The following SMPDL3A variants were observed in gnomAD, a reference collection of about 807,000 sequenced individuals.
The protein encoded by SMPDL3A is cyclic GMP-AMP phosphodiesterase SMPDL3A.
Under a neutral mutation model 38.5 loss-of-function variants are expected in SMPDL3A, and 39 were observed. The observed-to-expected ratio is 1.01, with a 90% CI of 0.78 to 1.32. The LOEUF (loss-of-function observed/expected upper bound fraction) is 1.32, where lower values mean the gene tolerates loss of function less well. Among genes scored for constraint, SMPDL3A ranks in the 40% most tolerant of loss-of-function variants. The probability of loss-of-function intolerance (pLI) is 0.00; values close to 1 mark genes in which losing one functional copy is unlikely to be tolerated. For missense variants in SMPDL3A, 502 were observed against 536.2 expected, an observed-to-expected ratio of 0.94 and a Z score of 0.63; for synonymous variants, 180 against 194.3, an observed-to-expected ratio of 0.93 and a Z score of 0.61.
At chr6:122,805,266 G>A (rs1285647628) in intron 6 of SMPDL3A, among the ~76,000 whole-genome samples, 177 bp downstream of exon 6, 1 of 152,106 alleles carries the variant, frequency 6.6e-6, no homozygotes, top group Non-Finnish European at 1.5e-5. Context: ...ACAACATTAG[G>A]CCTGCAGCTG....
intron 7 of SMPDL3A, among the ~76,000 whole-genome samples, chr6:122,806,607 T>C (rs1028871506): frequency 6.6e-6 from 1 of 152,220 alleles, no homozygotes; most frequent in African/African-American, 2.4e-5. Flanking sequence ...GATGCTTTCA[T>C]TGGTTAGTGC....
chr6:122,797,354 A>G (rs1186813570), intron 3 of SMPDL3A: 1 of 164,790 alleles, frequency 6.1e-6, no homozygotes, highest in Non-Finnish European at 1.3e-5. Context: ...CAGAATTCTT[A>G]TTAGACCTAC....
chr6:122,794,349 G>A (rs1011014364), intron 1 of SMPDL3A, among the ~76,000 whole-genome samples: 5 of 152,138 alleles, frequency 3.3e-5, no homozygotes, highest in Non-Finnish European at 5.9e-5. Flanking sequence ...TGTAATCCCA[G>A]CACTTTAGGA....
At chr6:122,809,009 A>G in intron 7 of SMPDL3A, 82 bp from the exon 8 acceptor site, 1 of 1,114,866 alleles carries the variant, frequency 9.0e-7, no homozygotes, top group Middle Eastern at 2.0e-4. Context: ...TGTCACAGAA[A>G]TTTAAACATG....
chr6:122,807,878 T>G (rs1282021400), intron 7 of SMPDL3A, among the ~76,000 whole-genome samples: 1 of 152,246 alleles, frequency 6.6e-6, no homozygotes, highest in South Asian at 2.1e-4. Flanking sequence ...TCTACAACTT[T>G]CAGTTGCCTA....
chr6:122,799,427 G>T (rs1433414908), intron 3 of SMPDL3A, among the ~76,000 whole-genome samples: 1 of 152,186 alleles, frequency 6.6e-6, no homozygotes, highest in Non-Finnish European at 1.5e-5. Flanking sequence ...AACTTCTCTG[G>T]TGCTTGTGTT....
intron 1 of SMPDL3A, among the ~76,000 whole-genome samples, chr6:122,795,114 G>T (rs990962346): frequency 2.0e-5 from 3 of 152,052 alleles, no homozygotes; most frequent in Non-Finnish European, 4.4e-5. Context: ...TCTTTGTTAG[G>T]TTATCATGCT....
At chr6:122,790,138 T>C (rs1393963527) in intron 1 of SMPDL3A, among the ~76,000 whole-genome samples, 1 of 152,202 alleles carries the variant, frequency 6.6e-6, no homozygotes, top group Admixed American at 6.5e-5. Flanking sequence ...GTTACAGTAG[T>C]GATTCTCTTA....
intron 3 of SMPDL3A, among the ~76,000 whole-genome samples, chr6:122,800,072 T>A (rs1781379142): frequency 6.6e-6 from 1 of 150,994 alleles, no homozygotes; most frequent in Non-Finnish European, 1.5e-5. Flanking sequence ...GGGCTCAAGC[T>A]GTCCTCCTGG....
chr6:122,794,967 A>G (rs775565573), intron 1 of SMPDL3A, among the ~76,000 whole-genome samples: 24 of 152,326 alleles, frequency 1.6e-4, no homozygotes, highest in Non-Finnish European at 2.2e-4. Flanking sequence ...TTTTTCTACA[A>G]GAAGAATGTA....
At position 122,803,682 on chromosome 6, in the gene SMPDL3A, A is replaced by G; in HGVS notation, c.587A>G (p.Lys196Arg). The stretch of plus-strand genomic sequence containing the variant: ...TTTATAGGTGGTTTTTATTCACAGA[A>G]AGTTACAACTAATCCAAACCTTAGG... ...TLRKGGFYSQ[K>R]VTTNPNLRII... is the part of the protein sequence containing the mutation. Residue 196 changes from lysine (K) to arginine (R), a missense_variant, in exon 5 of 8, where the codon AAA becomes AGA. Lys to Arg is a conservative substitution (Grantham distance 26, BLOSUM62 2). Transcript: ENST00000368440. 6.2e-7 allele frequency: 1 copy of G among 1,611,736 alleles called. No individual in the cohort carries two copies. The highest frequency in any genetic ancestry group is 1.1e-5 in the South Asian group (1 of 90,298).
chr6:122,789,695 CCGGTGGGGG>C, intron 1 of SMPDL3A: 1 of 440,442 alleles, frequency 2.3e-6, no homozygotes, highest in Non-Finnish European at 3.0e-6. Flanking sequence ...AATGCCCTCG[CCGGTGGGGG>C]CGCTCCAAGG....
At chr6:122,790,632 A>G (rs1422359799) in intron 1 of SMPDL3A, among the ~76,000 whole-genome samples, 1 of 152,186 alleles carries the variant, frequency 6.6e-6, no homozygotes, top group Non-Finnish European at 1.5e-5. Context: ...TGAAGCAAAA[A>G]CTGTAAATCT....
intron 3 of SMPDL3A, among the ~76,000 whole-genome samples, chr6:122,800,837 G>A (rs973510563): frequency 2.0e-5 from 3 of 152,008 alleles, no homozygotes; most frequent in Non-Finnish European, 2.9e-5. Context: ...TGCAACCTTC[G>A]CCTCACGGAT....
rs553799071 is a variant in SMPDL3A at position 122,795,961 on chromosome 6, T to C, written c.326+71T>C. 3.6e-5 allele frequency: 39 copies of C among 1,090,032 alleles called. No individual in the cohort carries two copies. The East Asian group carries it at 8.6e-4, about 24-fold the overall frequency. The allele number at this position is 1,090,032 out of a possible 1,614,324, so 67.5% of individuals were successfully genotyped here. On this transcript the variant is annotated intron_variant, in intron 2 of 7. Coordinates refer to ENST00000368440, the MANE Select transcript of SMPDL3A (RefSeq NM_006714.5). ...AGTGTCCTAAGCTTCATAAGAGTGC[T>C]GAATTCCATAATAAGATTAGTTACA...
chr6:122,790,750 T>C (rs1781052004), intron 1 of SMPDL3A, among the ~76,000 whole-genome samples: 1 of 152,236 alleles, frequency 6.6e-6, no homozygotes, highest in Non-Finnish European at 1.5e-5. Context: ...CCTTTAATTA[T>C]GTGACCGGTT....
At chr6:122,802,255 G>A (rs1287001915) in intron 4 of SMPDL3A, among the ~76,000 whole-genome samples, 2 of 147,134 alleles carry the variant, frequency 1.4e-5, no homozygotes, top group African/African-American at 5.0e-5. Context: ...AGGCTGGAGT[G>A]CAATGGCATG....
At chr6:122,799,580 T>C (rs1053512021) in intron 3 of SMPDL3A, among the ~76,000 whole-genome samples, 4 of 152,240 alleles carry the variant, frequency 2.6e-5, no homozygotes, top group South Asian at 2.1e-4. Context: ...ATGATAACGA[T>C]GCGTACCAAT....
intron 1 of SMPDL3A, among the ~76,000 whole-genome samples, chr6:122,794,698 T>A (rs987017663): frequency 1.3e-5 from 2 of 152,234 alleles, no homozygotes; most frequent in African/African-American, 4.8e-5. Flanking sequence ...GGAAGCATCC[T>A]TTTTAACAAC....
Sources: allele counts gnomAD v4.1 joint callset (sites outside exome capture counted in the v4.1 genomes callset), GRCh38; gene constraint gnomAD v4.1.1; transcripts MANE v1.5; gene names NCBI Gene and HGNC (gene_info 2026-07-23, HGNC 2026-07-21).